Variants in CNBD1 observed in about 807,000 individuals in gnomAD.
CNBD1 encodes cyclic nucleotide-binding domain-containing protein 1.
Under a neutral mutation model 54.4 loss-of-function variants are expected in CNBD1, and 71 were observed. That is an observed-to-expected ratio of 1.30 (90% CI 1.08 to 1.59). CNBD1 has a LOEUF of 1.59. Ranked by LOEUF, CNBD1 falls within the 40% of genes most tolerant of loss-of-function variation. The pLI is 0.00. For missense variants in CNBD1, 659 were observed against 518.0 expected (o/e 1.27, Z -2.64); for synonymous variants, 182 against 170.7 (o/e 1.07, Z -0.51).
At chr8:87,388,535 C>T in intron 2 of CNBD1, among the ~76,000 whole-genome samples, 1 of 152,144 alleles carries the variant, frequency 6.6e-6, no homozygotes, top group Admixed American at 6.5e-5. Context: ...CATACACACT[C>T]CCAAGACTAA....
intron 2 of CNBD1, among the ~76,000 whole-genome samples, chr8:87,424,642 C>G (rs1000969283): frequency 6.6e-6 from 1 of 151,330 alleles, no homozygotes; most frequent in Non-Finnish European, 1.5e-5. Flanking sequence ...CTGAGAGAGA[C>G]CCTACAGAAG....
chr8:87,090,390 T>C (rs1811181804), intron 4 of CNBD1, among the ~76,000 whole-genome samples: 1 of 152,192 alleles, frequency 6.6e-6, no homozygotes, highest in African/African-American at 2.4e-5. Context: ...TGTTCACCAA[T>C]ATCCTATGAT....
intron 8 of CNBD1, among the ~76,000 whole-genome samples, chr8:87,312,500 G>C (rs1326466318): frequency 6.6e-6 from 1 of 152,038 alleles, no homozygotes; most frequent in African/African-American, 2.4e-5. Flanking sequence ...CAGATCCTGT[G>C]AAATATAGTG....
intron 2 of CNBD1, among the ~76,000 whole-genome samples, chr8:86,898,882 A>G (rs1407264029): frequency 6.6e-6 from 1 of 152,150 alleles, no homozygotes; most frequent in Non-Finnish European, 1.5e-5. Flanking sequence ...ATAAAAAGGC[A>G]ATGCAATTTA....
chr8:86,881,506 A>G lies in CNBD1; in HGVS notation c.89-6036A>G, dbSNP rs1490942373. Reference sequence around the variant, plus strand: ...AAGGAGAACTATAAACAACTGCTCAAATAAATCAGAAATGACACAAACAAA... The same window carrying G: ...AAGGAGAACTATAAACAACTGCTCAGATAAATCAGAAATGACACAAACAAA... On this transcript the variant is annotated intron_variant, in intron 1 of 10. Coordinates refer to ENST00000518476, the MANE Select transcript of CNBD1 (RefSeq NM_173538.3). Among the ~76,000 whole-genome samples the G allele has an allele frequency of 2.0e-5, 3 of 152,330 alleles. 1 individual carries two copies. The highest frequency in any genetic ancestry group is 4.1e-4 in the South Asian group (2 of 4,824).
chr8:87,217,914 T>C (rs539449001), intron 5 of CNBD1, among the ~76,000 whole-genome samples: 10 of 152,212 alleles, frequency 6.6e-5, no homozygotes, highest in African/African-American at 2.2e-4. Flanking sequence ...CTTTCTGAGA[T>C]TTTTGTTTGT....
chr8:87,272,850 A>C (rs1190977581), intron 6 of CNBD1, among the ~76,000 whole-genome samples: 3 of 151,994 alleles, frequency 2.0e-5, no homozygotes, highest in Admixed American at 1.3e-4. Context: ...ATGATTATTT[A>C]AATTAGTCAC....
At chr8:86,974,995 A>C (rs1473381993) in intron 4 of CNBD1, among the ~76,000 whole-genome samples, 1 of 152,064 alleles carries the variant, frequency 6.6e-6, no homozygotes, top group Non-Finnish European at 1.5e-5. Context: ...GTTTGGAAAA[A>C]ATCTATTGGG....
chr8:87,285,647 G>T (rs1338859005), intron 7 of CNBD1, among the ~76,000 whole-genome samples: 1 of 152,090 alleles, frequency 6.6e-6, no homozygotes, highest in Non-Finnish European at 1.5e-5. Flanking sequence ...AAGGCAGGCA[G>T]ATCAGCTGAG....
chr8:87,261,010 A>G (rs1808129940), intron 6 of CNBD1, among the ~76,000 whole-genome samples: 1 of 152,130 alleles, frequency 6.6e-6, no homozygotes, highest in South Asian at 2.1e-4. Flanking sequence ...AATCCCTGTG[A>G]ATTTTTTAAA....
intron 2 of CNBD1, among the ~76,000 whole-genome samples, chr8:87,419,814 C>G (rs901642335): frequency 4.0e-5 from 6 of 151,640 alleles, no homozygotes; most frequent in Non-Finnish European, 8.8e-5. Context: ...ATGTCAATCC[C>G]ACACAAACCC....
intron 4 of CNBD1, among the ~76,000 whole-genome samples, chr8:87,056,437 TA>T (rs1170945573): frequency 6.6e-6 from 1 of 152,198 alleles, no homozygotes; most frequent in African/African-American, 2.4e-5. Context: ...ACACTCATAT[TA>T]AAAATATTAT....
chr8:87,007,070 G>A (rs1457640938), intron 4 of CNBD1, among the ~76,000 whole-genome samples: 6 of 151,968 alleles, frequency 3.9e-5, no homozygotes, highest in African/African-American at 9.7e-5. Flanking sequence ...GGTGGTGGGC[G>A]CCTGTAATCC....
At chr8:86,962,329 T>A (rs1160589468) in intron 4 of CNBD1, among the ~76,000 whole-genome samples, 1 of 152,222 alleles carries the variant, frequency 6.6e-6, no homozygotes, top group African/African-American at 2.4e-5. Context: ...ACCATGGACA[T>A]CTACTTTTAA....
chr8:87,228,520 C>G (rs1275366646), intron 5 of CNBD1, among the ~76,000 whole-genome samples: 1 of 149,898 alleles, frequency 6.7e-6, no homozygotes, highest in Non-Finnish European at 1.5e-5. Context: ...TCAGTGTGCC[C>G]CTGCTGGGGG....
intron 6 of CNBD1, among the ~76,000 whole-genome samples, chr8:87,264,983 G>A (rs913031670): frequency 3.3e-5 from 5 of 152,046 alleles, no homozygotes; most frequent in African/African-American, 4.8e-5. Flanking sequence ...TTCTTTTGCT[G>A]TGCAGAAGCT....
At chr8:87,238,620 A>G (rs968211109) in intron 6 of CNBD1, among the ~76,000 whole-genome samples, 1 of 152,130 alleles carries the variant, frequency 6.6e-6, no homozygotes, top group Non-Finnish European at 1.5e-5. Flanking sequence ...AGCTCCAGAG[A>G]AGATAAATAT....
Position 87,275,751 on chromosome 8 carries a change from G to T in CNBD1, c.772-8927G>T, listed in dbSNP as rs543332048. Reference sequence around the variant, plus strand: ...AATTAGGCAGGAGAAGGAAATAAAGGGTATTCAATTAGGAAAAGAGGAAGT... The same window carrying T: ...AATTAGGCAGGAGAAGGAAATAAAGTGTATTCAATTAGGAAAAGAGGAAGT... On this transcript the variant is annotated intron_variant, in intron 6 of 10. Transcript: ENST00000518476. Among the ~76,000 whole-genome samples, 11 of 151,590 alleles carry T rather than the reference G, an allele frequency of 7.3e-5. No homozygotes were observed. The East Asian group carries it at 9.7e-4, about 13-fold the overall frequency.
intron 4 of CNBD1, among the ~76,000 whole-genome samples, chr8:87,092,625 A>G (rs1267912667): frequency 6.7e-6 from 1 of 150,142 alleles, no homozygotes; most frequent in Non-Finnish European, 1.5e-5. Context: ...GTTCATTTTT[A>G]TCTTCTCTGT....
Sources: allele counts gnomAD v4.1 joint callset (sites outside exome capture counted in the v4.1 genomes callset), GRCh38; gene constraint gnomAD v4.1.1; transcripts MANE v1.5; gene names NCBI Gene and HGNC (gene_info 2026-07-23, HGNC 2026-07-21).